The following C10orf90 variants were observed in gnomAD, a reference collection of about 807,000 sequenced individuals.
C10orf90 encodes chromosome 10 open reading frame 90, also known as (E2-independent) E3 ubiquitin-conjugating enzyme FATS.
C10orf90 carries 56 observed loss-of-function variants against 62.5 expected under a neutral mutation model. The observed-to-expected ratio is 0.90, with a 90% CI of 0.72 to 1.12. The LOEUF is 1.12. Among genes scored for constraint, C10orf90 ranks in the 50% most tolerant of loss-of-function variants. The pLI, the probability that C10orf90 is intolerant of heterozygous loss-of-function variation, is 0.00. For synonymous variants in C10orf90, 386 were observed against 340.4 expected, an observed-to-expected ratio of 1.13 and a Z score of -1.47; for missense variants, 970 against 880.4, an observed-to-expected ratio of 1.10 and a Z score of -1.29.
At chr10:126,627,000 C>CTTTTTTTTTTTT (rs61226052) in intron 2 of C10orf90, among the ~76,000 whole-genome samples, 3 of 119,496 alleles carry the variant, frequency 2.5e-5, no homozygotes, top group Non-Finnish European at 3.4e-5. Flanking sequence ...TTTTTCTTTT[C>CTTTTTTTTTTTT]TTTTTTTTTT....
intron 2 of C10orf90, among the ~76,000 whole-genome samples, chr10:126,531,868 C>T (rs201488587): frequency 6.6e-6 from 1 of 151,986 alleles, no homozygotes; most frequent in Non-Finnish European, 1.5e-5. Flanking sequence ...AAAATATTTG[C>T]AAGCCATATT....
rs770142908 is a variant in C10orf90, at chr10:126,513,864, T to A, written c.389A>T (p.Lys130Ile). The A allele has an allele frequency of 9.3e-6, 15 of 1,609,234 alleles. No homozygotes were observed. Among genetic ancestry groups the A allele is most frequent in the Non-Finnish European group, 1.3e-5 (15 of 1,175,772 alleles). ...GTATGTTACCTTGGTGAAGTCAGAT[T>A]TTGCCTCTGTGACATCAGACTGGAG... ...KNLQSDVTEA[K>I]SDFTKETLAS... The change falls in exon 3 of 10, where the codon AAA (lysine) becomes ATA (isoleucine). Residue 130 changes from lysine (K) to isoleucine (I), a missense_variant. By Grantham distance (102) the Lys-to-Ile change is moderately radical. Coordinates refer to ENST00000488181, the MANE Select transcript of C10orf90 (RefSeq NM_001350921.2).
chr10:126,650,297 T>C (rs1442493595), intron 1 of C10orf90, among the ~76,000 whole-genome samples: 1 of 152,178 alleles, frequency 6.6e-6, no homozygotes, highest in Non-Finnish European at 1.5e-5. Flanking sequence ...ATTTAGTGAA[T>C]GGAAACGGTA....
chr10:126,580,723 G>A (rs1483628981), intron 2 of C10orf90, among the ~76,000 whole-genome samples: 3 of 151,652 alleles, frequency 2.0e-5, no homozygotes, highest in Admixed American at 6.6e-5. Context: ...CAAGAAGTGT[G>A]CGTGTATGTA....
chr10:126,603,075 G>C (rs1021291843), intron 2 of C10orf90, among the ~76,000 whole-genome samples: 1 of 151,956 alleles, frequency 6.6e-6, no homozygotes, highest in Admixed American at 6.6e-5. Flanking sequence ...ATGATGCCTT[G>C]CATTAGTCAC....
chr10:126,580,841 G>A (rs946845763), intron 2 of C10orf90, among the ~76,000 whole-genome samples: 5 of 151,462 alleles, frequency 3.3e-5, no homozygotes, highest in Non-Finnish European at 7.4e-5. Flanking sequence ...TCATGTGTAT[G>A]AGTGTGTGTC....
At chr10:126,443,696 G>A (rs549386742) in intron 7 of C10orf90, among the ~76,000 whole-genome samples, 13 of 151,970 alleles carry the variant, frequency 8.6e-5, no homozygotes, top group South Asian at 2.1e-4. Flanking sequence ...ACCTTAATAC[G>A]AAAACCAGGA....
intron 4 of C10orf90, among the ~76,000 whole-genome samples, chr10:126,479,272 G>A (rs1861052278): frequency 1.3e-5 from 2 of 152,214 alleles, no homozygotes; most frequent in Non-Finnish European, 2.9e-5. Context: ...TCAGGTTCAT[G>A]CTGGTTGAAC....
At chr10:126,528,606 C>T (rs938401709) in intron 2 of C10orf90, among the ~76,000 whole-genome samples, 13 of 152,172 alleles carry the variant, frequency 8.5e-5, no homozygotes, top group African/African-American at 1.7e-4. Context: ...CCAGCTGGAC[C>T]GTGATCAAGG....
chr10:126,521,297 A>G (rs536832799), intron 2 of C10orf90: 1 of 1,613,978 alleles, frequency 6.2e-7, no homozygotes, highest in East Asian at 2.2e-5. Context: ...ATTAGAACAT[A>G]CCTTCTCCAG....
At chr10:126,466,300 T>G (rs190936529) in intron 4 of C10orf90, among the ~76,000 whole-genome samples, 1 of 151,770 alleles carries the variant, frequency 6.6e-6, no homozygotes, top group African/African-American at 2.4e-5. Context: ...GATCACGAGG[T>G]CAGGAGATCG....
intron 2 of C10orf90, among the ~76,000 whole-genome samples, chr10:126,550,421 T>C (rs1005977353): frequency 1.3e-5 from 2 of 152,166 alleles, no homozygotes; most frequent in African/African-American, 4.8e-5. Flanking sequence ...AGTATACCAA[T>C]GGCAGTATCC....
intron 2 of C10orf90, among the ~76,000 whole-genome samples, chr10:126,601,020 AAAG>A (rs1201726202): frequency 6.6e-6 from 1 of 152,226 alleles, no homozygotes; most frequent in Admixed American, 6.5e-5. Context: ...CAGCCTTTAA[AAAG>A]AAGGATATTG....
intron 7 of C10orf90, among the ~76,000 whole-genome samples, chr10:126,457,019 G>T (rs1859630257): frequency 6.6e-6 from 1 of 152,152 alleles, no homozygotes; most frequent in South Asian, 2.1e-4. Context: ...ACAGGGTCTT[G>T]CTCTGTTGCC....
chr10:126,649,058 CTCTCTCTCTCTCT>C lies in C10orf90; in HGVS notation c.241-2434_241-2422del, dbSNP rs1846233086. On this transcript the variant is annotated intron_variant, in intron 1 of 9. Transcript: ENST00000488181. The stretch of plus-strand genomic sequence containing the variant: ...TGTCTCTCTCTCTCTCTCTCTCTCT[CTCTCTCTCTCTCT>C]CCCCCCCCCCCAGCAATTCACAATG... 2.2e-4 allele frequency among the ~76,000 whole-genome samples: 13 copies of C among 58,902 alleles called. 1 individual carries two copies. The highest frequency in any genetic ancestry group is 8.4e-4 in the African/African-American group (12 of 14,360). The allele number at this position is 58,902 out of a possible 152,430, so 38.6% of individuals were successfully genotyped here. A position where few individuals can be genotyped will look rare whatever the true frequency, so the allele number is the denominator to read the frequency against.
intron 2 of C10orf90, among the ~76,000 whole-genome samples, chr10:126,584,341 C>T (rs1161931241): frequency 2.0e-5 from 3 of 150,830 alleles, no homozygotes; most frequent in Non-Finnish European, 2.9e-5. Flanking sequence ...TGTCCATCCG[C>T]CTACCTGTCT....
chr10:126,532,492 T>G (rs918000941), intron 2 of C10orf90, among the ~76,000 whole-genome samples: 2 of 151,906 alleles, frequency 1.3e-5, no homozygotes, highest in Admixed American at 6.6e-5. Flanking sequence ...TTAATCAAAG[T>G]GGCATCACTC....
At chr10:126,537,645 T>C (rs1360412136) in intron 2 of C10orf90, among the ~76,000 whole-genome samples, 1 of 152,218 alleles carries the variant, frequency 6.6e-6, no homozygotes, top group African/African-American at 2.4e-5. Flanking sequence ...GACAGAAATA[T>C]ACTCTTTGCT....
chr10:126,502,915 T>C (rs1319177613), intron 4 of C10orf90: 3 of 467,602 alleles, frequency 6.4e-6, no homozygotes, highest in African/African-American at 4.1e-5. Context: ...GCATTCAATA[T>C]TTCAATATAT....
Sources: gnomAD v4.1 joint callset for allele counts (sites outside exome capture counted in the v4.1 genomes callset) on GRCh38, gnomAD v4.1.1 for gene constraint, MANE v1.5 for transcripts, NCBI Gene and HGNC (gene_info 2026-07-23, HGNC 2026-07-21) for gene names.